PCK2: variants seen among roughly 807,000 people sequenced by gnomAD.
The protein encoded by PCK2 is phosphoenolpyruvate carboxykinase 2, mitochondrial.
In PCK2, 56 loss-of-function variants were observed where a neutral mutation model predicts 65.9. The ratio of observed to expected loss-of-function variants is 0.85; its 90% CI spans 0.69 to 1.06. PCK2 has a LOEUF of 1.06. PCK2 is among the 50% of genes least tolerant of loss of function. The pLI, the probability that PCK2 is intolerant of heterozygous loss-of-function variation, is 0.00. For missense variants in PCK2, 843 were observed against 863.1 expected, an observed-to-expected ratio of 0.98 and a Z score of 0.29; for synonymous variants, 305 against 319.6, an observed-to-expected ratio of 0.95 and a Z score of 0.49.
rs1428007006 is a variant in PCK2, at chr14:24,098,394, A to T, written c.460+7A>T. 4.3e-6 allele frequency: 7 copies of T among 1,611,934 alleles called. No individual in the cohort carries two copies. The highest frequency in any genetic ancestry group is 5.9e-6 in the Non-Finnish European group (7 of 1,178,152). Reference sequence around the variant, plus strand: ...TTTCCAGGCTGCATGCAGGGTAACCAGGGCAGGGGCACAGTGGCAAGGGCA... The same window carrying T: ...TTTCCAGGCTGCATGCAGGGTAACCTGGGCAGGGGCACAGTGGCAAGGGCA... On this transcript the variant is annotated splice_region_variant and intron_variant, in intron 3 of 9. Transcript: ENST00000216780.
In PCK2 at chr14:24,103,866, G is replaced by A. The variant is rs2037274812; in HGVS notation, c.1825G>A (p.Asp609Asn). The A allele has an allele frequency of 1.9e-6, 3 of 1,614,178 alleles. No individual in the cohort carries two copies. Among genetic ancestry groups the A allele is most frequent in the Non-Finnish European group, 1.7e-6 (2 of 1,180,030 alleles). The change falls in exon 10 of 10, where the codon GAC becomes AAC. Residue 609 changes from aspartate (D) to asparagine (N), a missense_variant. By Grantham distance (23) the Asp-to-Asn change is conservative (BLOSUM62 1). Transcript: ENST00000216780. ...GGACTTCTGGGAACAGGAGGTTCGT[G>A]ACATTCGGAGCTACCTGACAGAGCA... ...PKDFWEQEVRDIRSYLTEQVN... is the reference protein window; with the variant it reads ...PKDFWEQEVRNIRSYLTEQVN...
rs1373003757 is a variant in PCK2, at chr14:24,094,555, G to T, written c.29+121G>T. On this transcript the variant is annotated intron_variant, in intron 1 of 9. Coordinates refer to ENST00000216780, the MANE Select transcript of PCK2 (RefSeq NM_004563.4). The surrounding 1 kb of genome is among the most constrained non-coding windows in gnomAD (Gnocchi z 4.1). ...GGTTTCCCATCCTAGGCGGAGGCGG[G>T]CAGGGGCGACTGCTGTGGGTCCAGC... is the stretch of plus-strand genomic sequence containing the variant. 1 of 1,441,048 alleles carries T rather than the reference G, an allele frequency of 6.9e-7. No individual in the cohort carries two copies. 89.3% of individuals were successfully genotyped at this position (1,441,048 alleles called of 1,614,324 possible).
chr14:24,099,543 C>T lies in PCK2; in HGVS notation c.853-15C>T. 1.3e-6 allele frequency: 2 copies of T among 1,561,848 alleles called. No homozygotes were observed. The highest frequency in any genetic ancestry group is 4.5e-5 in the East Asian group (2 of 44,518). Reference sequence around the variant, plus strand: ...TGGTGACCTCTTTCTTATTCCCTCTCTCCCCAATGCACAGATCCTGGGCAT... The same window carrying T: ...TGGTGACCTCTTTCTTATTCCCTCTTTCCCCAATGCACAGATCCTGGGCAT... On this transcript the variant is annotated splice_polypyrimidine_tract_variant and intron_variant, in intron 5 of 9. Transcript: ENST00000216780.
intron 2 of PCK2, among the ~76,000 whole-genome samples, chr14:24,097,690 C>CTCAAGCAAT (rs1357549552): frequency 7.1e-4 from 108 of 151,196 alleles, no homozygotes; most frequent in African/African-American, 2.5e-3. Flanking sequence ...GGGGAATTGT[C>CTCAAGCAAT]TCAAGCAATT....
chr14:24,101,724 AC>A (rs1179120663), intron 7 of PCK2, among the ~76,000 whole-genome samples: 1 of 152,184 alleles, frequency 6.6e-6, no homozygotes, highest in Non-Finnish European at 1.5e-5. Flanking sequence ...GGAGTTCGAG[AC>A]CAGCCTGGCA....
Position 24,099,173 on chromosome 14 carries a change from C to T in PCK2, c.789C>T (p.Cys263=), listed in dbSNP as rs200826292. Residue 263 remains cysteine, a synonymous_variant, in exon 5 of 10, where the codon TGC becomes TGT. Transcript: ENST00000216780. The part of the protein sequence containing the change: ...YGGNSLLGKK[C]FALRIASRLA... ...GCAACTCCCTGCTGGGCAAGAAGTG[C>T]TTTGCCCTACGCATCGCCTCTCGGC... 1.0e-4 allele frequency: 168 copies of T among 1,609,338 alleles called. No homozygotes were observed. Among genetic ancestry groups the T allele is most frequent in the Non-Finnish European group, 1.3e-4 (159 of 1,179,576 alleles).
At position 24,103,519 on chromosome 14, in the gene PCK2, T is replaced by C. The variant is rs1369788998; in HGVS notation, c.1478T>C (p.Ile493Thr). ...CTTGCTTCCCCCCCAGGGAAGATCA[T>C]CATGCACGACCCATTTGCCATGCGG... The part of the protein sequence containing the change: ...TAAAEHKGKI[I>T]MHDPFAMRPF... The change falls in exon 10 of 10, where the codon ATC becomes ACC. Residue 493 changes from isoleucine to threonine, a missense_variant. Coordinates refer to ENST00000216780, the MANE Select transcript of PCK2 (RefSeq NM_004563.4). The C allele has an allele frequency of 1.3e-6, 2 of 1,547,626 alleles. No individual in the cohort carries two copies. Among genetic ancestry groups the C allele is most frequent in the Admixed American group, 1.9e-5 (1 of 52,020 alleles).
rs1365838394 is a variant in PCK2 at position 24,103,270 on chromosome 14, C to T, written c.1468+15C>T. The T allele has an allele frequency of 1.3e-6, 2 of 1,593,188 alleles. No homozygotes were observed. Among genetic ancestry groups the T allele is most frequent in the Non-Finnish European group, 1.7e-6 (2 of 1,161,422 alleles). ...AGAACACAAAGGTGAGCACCCTCAC[C>T]ATTCCTCCCTCTCCTGTGTGTGCAC... On this transcript the variant is annotated intron_variant, in intron 9 of 9. Transcript: ENST00000216780.
In PCK2 at chr14:24,094,432, G is replaced by A; in HGVS notation, c.27G>A (p.Leu9=). The A allele has an allele frequency of 6.5e-7, 1 of 1,549,896 alleles. No homozygotes were observed. MAALYRPG[L]RLNWHGLSPL... is the part of the protein sequence containing the mutation. ...TGGCCGCATTGTACCGCCCTGGCCT[G>A]CGGTGAGTGACCCCCGGCCCGGGGC... Residue 9 remains leucine, a splice_region_variant and synonymous_variant, in exon 1 of 10, where the codon CTG becomes CTA. Coordinates refer to ENST00000216780, the MANE Select transcript of PCK2 (RefSeq NM_004563.4). This position sits in a 1 kb window ranked among gnomAD's most constrained non-coding sequence, Gnocchi z 4.1.
At chr14:24,100,997 C>T (rs1293290526) in intron 7 of PCK2, among the ~76,000 whole-genome samples, 1 of 152,166 alleles carries the variant, frequency 6.6e-6, no homozygotes, top group Non-Finnish European at 1.5e-5. Context: ...CAAAGAAGAG[C>T]ATGGGAGGGG....
chr14:24,100,357 C>CA, intron 7 of PCK2, 144 bp downstream of exon 7: 1 of 1,461,242 alleles, frequency 6.8e-7, no homozygotes, highest in South Asian at 1.5e-5. Flanking sequence ...CAGTCCCAGG[C>CA]AAAATCTCAG....
At chr14:24,102,950 C>T in intron 8 of PCK2, 60 bp downstream of exon 8, 1 of 1,495,782 alleles carries the variant, frequency 6.7e-7, no homozygotes, top group Non-Finnish European at 9.2e-7. Flanking sequence ...TTAGGGCCTA[C>T]CTCCCTCCCT....
Position 24,103,828 on chromosome 14 carries a change from T to G in PCK2, c.1787T>G (p.Phe596Cys). 6.2e-7 allele frequency: 1 copy of G among 1,614,046 alleles called. No homozygotes were observed. The highest frequency in any genetic ancestry group is 8.5e-7 in the Non-Finnish European group (1 of 1,180,006). Residue 596 changes from phenylalanine to cysteine, a missense_variant, in exon 10 of 10, where the codon TTC (phenylalanine) becomes TGC (cysteine). Physicochemically the swap from Phe to Cys is radical, Grantham distance 205. Transcript: ENST00000216780. ...AGAGCTATAGACACCACTCAGCTGT[T>G]CTCCCTCCCCAAGGACTTCTGGGAA... Reference protein sequence around the residue: ...GLRAIDTTQLFSLPKDFWEQE... With the variant: ...GLRAIDTTQLCSLPKDFWEQE...
chr14:24,099,638 G>A lies in PCK2; in HGVS notation c.933G>A (p.Leu311=), dbSNP rs1242264956. 1 of 1,613,584 alleles carries A rather than the reference G, an allele frequency of 6.2e-7. No individual in the cohort carries two copies. Among genetic ancestry groups the A allele is most frequent in the Non-Finnish European group, 8.5e-7 (1 of 1,179,646 alleles). The change falls in exon 6 of 10, where the codon CTG becomes CTA. Residue 311 remains leucine (L), a synonymous_variant. Transcript: ENST00000216780. The part of the protein sequence containing the change: ...AFPSACGKTN[L]AMMRPALPGW... ...CTAGTGCCTGTGGCAAGACCAACCT[G>A]GCTATGATGCGGCCTGCACTGCCAG...
In PCK2 at chr14:24,103,623, C is replaced by T. The variant is rs762288607; in HGVS notation, c.1582C>T (p.Arg528Cys). 8.1e-6 allele frequency: 13 copies of T among 1,613,810 alleles called. No individual in the cohort carries two copies. Among genetic ancestry groups the T allele is most frequent in the South Asian group, 1.1e-5 (1 of 91,060 alleles). Residue 528 changes from arginine to cysteine, a missense_variant, in exon 10 of 10, where the codon CGT (arginine) becomes TGT (cysteine). Physicochemically the swap from Arg to Cys is radical, Grantham distance 180 (BLOSUM62 -3). Coordinates refer to ENST00000216780, the MANE Select transcript of PCK2 (RefSeq NM_004563.4). ...MEGRKGAQLP[R>C]IFHVNWFRRD... ...AGGGCGCAAGGGGGCCCAGCTGCCC[C>T]GTATCTTCCATGTCAACTGGTTCCG...
chr14:24,095,327 T>C (rs1387088505), intron 1 of PCK2: 5 of 429,302 alleles, frequency 1.2e-5, no homozygotes, highest in Non-Finnish European at 2.4e-5. Flanking sequence ...GACTGTGTGC[T>C]TGAAAACTGA....
At position 24,098,528 on chromosome 14, in the gene PCK2, TC is replaced by T. The variant is rs764416174; in HGVS notation, c.517del (p.Arg173AlafsTer19). The T allele has an allele frequency of 3.8e-5, 61 of 1,614,154 alleles. No individual in the cohort carries two copies. The highest frequency in any genetic ancestry group is 5.2e-5 in the Non-Finnish European group (61 of 1,179,980). On this transcript the variant is annotated frameshift_variant, in exon 4 of 10. Coordinates refer to ENST00000216780, the MANE Select transcript of PCK2 (RefSeq NM_004563.4). LOFTEE classifies it high-confidence loss of function. The stretch of plus-strand genomic sequence containing the variant: ...CATGGGTCCTGTGGGCTCCCCGCTG[TC>T]CCGCATCGGGGTGCAGCTCACTGAC... ...FSMGPVGSPL[S>X]RIGVQLTDSA...
chr14:24,102,311 C>G (rs2037193872), intron 7 of PCK2, among the ~76,000 whole-genome samples: 1 of 152,190 alleles, frequency 6.6e-6, no homozygotes, highest in Non-Finnish European at 1.5e-5. Flanking sequence ...GACGGAAAGT[C>G]AATTGTCTGA....
rs759399802 is a variant in PCK2, at chr14:24,102,795, C to A, written c.1277C>A (p.Ala426Asp). Residue 426 changes from alanine (A) to aspartate (D), a missense_variant, in exon 8 of 10, where the codon GCC becomes GAC. Coordinates refer to ENST00000216780, the MANE Select transcript of PCK2 (RefSeq NM_004563.4). ...GCACATCCCAACTCTCGATTTTGTG[C>A]CCCGGCTCGCCAGTGCCCCATCATG... The part of the protein sequence containing the change: ...PCAHPNSRFC[A>D]PARQCPIMDP... 5 of 1,613,632 alleles carry A rather than the reference C, an allele frequency of 3.1e-6. No individual in the cohort carries two copies. The highest frequency in any genetic ancestry group is 4.2e-6 in the Non-Finnish European group (5 of 1,179,558).
Sources: allele counts gnomAD v4.1 joint callset (sites outside exome capture counted in the v4.1 genomes callset), GRCh38; gene constraint gnomAD v4.1.1; non-coding constraint Gnocchi (gnomAD v3.1); transcripts MANE v1.5; gene names NCBI Gene and HGNC (gene_info 2026-07-23, HGNC 2026-07-21).